Variants in BTBD7 observed in about 807,000 individuals in gnomAD.
BTBD7 encodes BTB/POZ domain-containing protein 7.
BTBD7 carries 38 observed loss-of-function variants against 99.9 expected under a neutral mutation model. The ratio of observed to expected loss-of-function variants is 0.38; its 90% CI spans 0.29 to 0.50. The LOEUF is 0.50. BTBD7 is among the 20% of genes least tolerant of loss of function. The pLI, the probability that BTBD7 is intolerant of heterozygous loss-of-function variation, is 0.93. For synonymous variants in BTBD7, 520 were observed against 511.4 expected (o/e 1.02, Z -0.23); for missense variants, 1,170 against 1,394.6 (o/e 0.84, Z 2.57).
At chr14:93,270,285 G>A (rs930082060) in intron 3 of BTBD7, among the ~76,000 whole-genome samples, 2 of 151,902 alleles carry the variant, frequency 1.3e-5, no homozygotes, top group South Asian at 2.1e-4. Flanking sequence ...TAGTAGAGAC[G>A]GGATTTTGCC....
intron 1 of BTBD7, among the ~76,000 whole-genome samples, chr14:93,324,641 G>C (rs1435039162): frequency 6.6e-6 from 1 of 152,076 alleles, no homozygotes; most frequent in South Asian, 2.1e-4. Flanking sequence ...GACAGCTGTC[G>C]GTAGCAATAG....
At chr14:93,291,576 C>T (rs2052855554) in intron 3 of BTBD7, among the ~76,000 whole-genome samples, 1 of 151,954 alleles carries the variant, frequency 6.6e-6, no homozygotes, top group Non-Finnish European at 1.5e-5. Context: ...GAAAGATATG[C>T]CCCACATGGG....
In BTBD7 at chr14:93,285,230, C is replaced by T. The variant is rs115495224; in HGVS notation, c.1162+8628G>A. On this transcript the variant is annotated intron_variant, in intron 3 of 10. Coordinates refer to ENST00000334746, the MANE Select transcript of BTBD7 (RefSeq NM_001002860.4). ...GGTGAAATGGATGAGTGAGTGGGGA[C>T]AGTAAGTCTTTGCTATTTTGCATTT... is the stretch of plus-strand genomic sequence containing the variant. 5.7e-3 allele frequency among the ~76,000 whole-genome samples: 864 copies of T among 152,108 alleles called. 13 individuals carry two copies. Among genetic ancestry groups the T allele is most frequent in the African/African-American group, 0.02 (830 of 41,474 alleles).
In BTBD7 at chr14:93,273,039, T is replaced by C. The variant is rs527432764; in HGVS notation, c.1163-9046A>G. On this transcript the variant is annotated intron_variant, in intron 3 of 10. Transcript: ENST00000334746. Reference sequence around the variant, plus strand: ...AATGGGAGGAGACACCCAGCAAAGATAACAGAAATGGCCCTAGAAAACAAG... The same window carrying C: ...AATGGGAGGAGACACCCAGCAAAGACAACAGAAATGGCCCTAGAAAACAAG... Among the ~76,000 whole-genome samples, 266 of 152,254 alleles carry C rather than the reference T, an allele frequency of 1.7e-3. 3 individuals carry two copies. The highest frequency in any genetic ancestry group is 2.3e-3 in the Admixed American group (35 of 15,292).
chr14:93,282,581 T>C, intron 3 of BTBD7, among the ~76,000 whole-genome samples: 1 of 152,192 alleles, frequency 6.6e-6, no homozygotes. Flanking sequence ...TCTGCCTGCC[T>C]TGGCCTCCCA....
Position 93,296,003 on chromosome 14 carries a change from C to G in BTBD7, c.49G>C (p.Gly17Arg). Residue 17 changes from glycine (G) to arginine (R), a missense_variant, in exon 2 of 11, where the codon GGG (glycine) becomes CGG (arginine). By Grantham distance (125) the Gly-to-Arg change is moderately radical (BLOSUM62 -2). Transcript: ENST00000334746. ...NYPHSCSPRV[G>R]GNSQAQQTFI... ...GTCTGTTGGGCCTGTGAATTTCCCC[C>G]TACCCTCGGGGAACATGAATGAGGA... 3 of 1,614,096 alleles carry G rather than the reference C, an allele frequency of 1.9e-6. No homozygotes were observed. The highest frequency in any genetic ancestry group is 2.5e-6 in the Non-Finnish European group (3 of 1,179,986).
chr14:93,301,690 A>G (rs1232565340), intron 1 of BTBD7, among the ~76,000 whole-genome samples: 1 of 152,158 alleles, frequency 6.6e-6, no homozygotes, highest in Non-Finnish European at 1.5e-5. Context: ...CTTTCTCAAA[A>G]ACAAAAACAA....
intron 1 of BTBD7, among the ~76,000 whole-genome samples, chr14:93,315,343 T>G (rs1374847994): frequency 6.6e-6 from 1 of 152,234 alleles, no homozygotes; most frequent in Non-Finnish European, 1.5e-5. Flanking sequence ...CTCAATTACC[T>G]GCTGTTGCTA....
chr14:93,315,066 G>GT (rs1182701358), intron 1 of BTBD7, among the ~76,000 whole-genome samples: 1 of 152,006 alleles, frequency 6.6e-6, no homozygotes, highest in African/African-American at 2.4e-5. Flanking sequence ...CTTTTCCTTT[G>GT]TAACTTCTGG....
At chr14:93,312,054 T>C (rs1443560336) in intron 1 of BTBD7, among the ~76,000 whole-genome samples, 1 of 152,198 alleles carries the variant, frequency 6.6e-6, no homozygotes, top group Non-Finnish European at 1.5e-5. Context: ...TTACTTATAC[T>C]TTATACAACA....
chr14:93,242,637 G>C lies in BTBD7; in HGVS notation c.3035C>G (p.Ser1012Cys). Reference sequence around the variant, plus strand: ...TTGTCTGTGTAGATGCCCGTCAGGGGAAAGTGGATATTCTCTCCTAGCTTC... The same window carrying C: ...TTGTCTGTGTAGATGCCCGTCAGGGCAAAGTGGATATTCTCTCCTAGCTTC... Reference protein sequence around the residue: ...QEEARREYPLSPDGHLHRQKN... With the variant: ...QEEARREYPLCPDGHLHRQKN... Residue 1012 changes from serine (S) to cysteine (C), a missense_variant, in exon 11 of 11, where the codon TCC becomes TGC. Coordinates refer to ENST00000334746, the MANE Select transcript of BTBD7 (RefSeq NM_001002860.4). 1 of 1,613,968 alleles carries C rather than the reference G, an allele frequency of 6.2e-7. No individual in the cohort carries two copies. The highest frequency in any genetic ancestry group is 1.1e-5 in the South Asian group (1 of 91,082).
chr14:93,297,624 A>T (rs1268813062), intron 1 of BTBD7, among the ~76,000 whole-genome samples: 1 of 152,228 alleles, frequency 6.6e-6, no homozygotes, highest in Non-Finnish European at 1.5e-5. Flanking sequence ...CTTCAAACTT[A>T]AAAACCAGTT....
intron 6 of BTBD7, 83 bp downstream of exon 6, chr14:93,257,112 A>G: frequency 7.3e-7 from 1 of 1,370,978 alleles, no homozygotes; most frequent in Non-Finnish European, 1.0e-6. Context: ...CTCTATTAGT[A>G]GCAGAAATTA....
Position 93,294,252 on chromosome 14 carries a change from G to A in BTBD7, c.768C>T (p.Asp256=), listed in dbSNP as rs771687949. Residue 256 remains aspartate, a synonymous_variant, in exon 3 of 11, where the codon GAC becomes GAT. Transcript: ENST00000334746. ...YYDVVLSFSS[D]SELVEAFGGN... The stretch of plus-strand genomic sequence containing the variant: ...CACCAAAAGCTTCAACCAGTTCAGA[G>A]TCTGAAGAAAAACTAAGGACGACAT... 1.2e-6 allele frequency: 2 copies of A among 1,613,862 alleles called. No individual in the cohort carries two copies. Among genetic ancestry groups the A allele is most frequent in the Admixed American group, 3.3e-5 (2 of 59,942 alleles).
At chr14:93,259,581 G>T (rs183756923) in intron 5 of BTBD7, among the ~76,000 whole-genome samples, 1 of 152,286 alleles carries the variant, frequency 6.6e-6, no homozygotes, top group Admixed American at 6.5e-5. Context: ...AAATTTCAGT[G>T]ACTAGGTAAG....
intron 3 of BTBD7, among the ~76,000 whole-genome samples, chr14:93,286,731 T>G (rs2052782731): frequency 6.6e-6 from 1 of 152,198 alleles, no homozygotes; most frequent in Non-Finnish European, 1.5e-5. Flanking sequence ...GGGAAAAGGC[T>G]AGTTAATAAT....
intron 3 of BTBD7, among the ~76,000 whole-genome samples, chr14:93,264,375 T>C (rs1002645004): frequency 2.0e-5 from 3 of 152,208 alleles, no homozygotes; most frequent in African/African-American, 7.2e-5. Flanking sequence ...GGATGACACC[T>C]GACTGATGAG....
chr14:93,278,030 C>A (rs2052676030), intron 3 of BTBD7, among the ~76,000 whole-genome samples: 1 of 152,172 alleles, frequency 6.6e-6, no homozygotes, highest in Non-Finnish European at 1.5e-5. Context: ...TAGACCATTA[C>A]CCCACTAGTG....
chr14:93,272,430 C>T (rs111728178), intron 3 of BTBD7, among the ~76,000 whole-genome samples: 39 of 152,142 alleles, frequency 2.6e-4, no homozygotes, highest in African/African-American at 9.4e-4. Flanking sequence ...GCCTTTCTGC[C>T]CTCCTTTGAC....
Sources: gnomAD v4.1 joint callset for allele counts (sites outside exome capture counted in the v4.1 genomes callset) on GRCh38, gnomAD v4.1.1 for gene constraint, MANE v1.5 for transcripts, NCBI Gene and HGNC (gene_info 2026-07-23, HGNC 2026-07-21) for gene names.